BEST2: variants seen among roughly 807,000 people sequenced by gnomAD.
BEST2 encodes bestrophin 2.
Under a neutral mutation model 49.0 loss-of-function variants are expected in BEST2, and 36 were observed. That is an observed-to-expected ratio of 0.73 (90% CI 0.56 to 0.97). BEST2 has a LOEUF of 0.97. Among genes scored for constraint, BEST2 ranks in the 50% least tolerant of loss-of-function variants. BEST2 has a pLI of 0.00. For synonymous variants in BEST2, 335 were observed against 304.4 expected (o/e 1.10, Z -1.05); for missense variants, 672 against 710.0 (o/e 0.95, Z 0.61).
intron 9 of BEST2, 80 bp downstream of exon 9, chr19:12,756,375 G>A: frequency 1.3e-6 from 2 of 1,538,238 alleles, no homozygotes; most frequent in Admixed American, 3.5e-5. Flanking sequence ...AAGGTTAAGT[G>A]GAATCAATTC....
In BEST2 at chr19:12,753,359, G is replaced by C. The variant is rs376943496; in HGVS notation, c.247+5G>C. The C allele has an allele frequency of 6.2e-7, 1 of 1,613,538 alleles. No homozygotes were observed. Among genetic ancestry groups the C allele is most frequent in the South Asian group, 1.1e-5 (1 of 91,070 alleles). On this transcript the variant is annotated splice_donor_5th_base_variant and intron_variant, in intron 3 of 9. Coordinates refer to ENST00000553030, the MANE Select transcript of BEST2 (RefSeq NM_017682.3). ...TCCCTGTCTCCTTCGTGCTTGGTGC[G>C]GTCCAACCCCAAGTCCCCCGTTCCC...
chr19:12,756,041 C>T, intron 8 of BEST2, 100 bp from the exon 9 acceptor site: 2 of 1,594,922 alleles, frequency 1.3e-6, no homozygotes, highest in Non-Finnish European at 1.7e-6. Flanking sequence ...TCACCCCAAC[C>T]ATCCTTCCCT....
Position 12,758,272 on chromosome 19 carries a change from G to T in BEST2, c.*195G>T. On this transcript the variant is annotated 3_prime_UTR_variant, in exon 10 of 10. Transcript: ENST00000553030. Reference sequence around the variant, plus strand: ...CCAGACTCTTGGACCAGCCCGCCCTGACCACCAGCTCTACTTCCCAACCCC... The same window carrying T: ...CCAGACTCTTGGACCAGCCCGCCCTTACCACCAGCTCTACTTCCCAACCCC... 1 of 640,246 alleles carries T rather than the reference G, an allele frequency of 1.6e-6. No individual in the cohort carries two copies. Among genetic ancestry groups the T allele is most frequent in the Non-Finnish European group, 2.6e-6 (1 of 384,294 alleles). 39.7% of individuals were successfully genotyped at this position (640,246 alleles called of 1,614,324 possible).
Position 12,754,537 on chromosome 19 carries a change from C to T in BEST2, c.248-15C>T, listed in dbSNP as rs1157912243. ...TGGTGTCCCCACTGAGCCCCCATTC[C>T]CCGCTCCCCTGCAGGCTTTTATGTG... On this transcript the variant is annotated splice_polypyrimidine_tract_variant and intron_variant, in intron 3 of 9. Transcript: ENST00000553030. The T allele has an allele frequency of 6.8e-7, 1 of 1,479,142 alleles. No homozygotes were observed. Among genetic ancestry groups the T allele is most frequent in the Admixed American group, 2.3e-5 (1 of 43,286 alleles). The allele number at this position is 1,479,142 out of a possible 1,614,324, so 91.6% of individuals were successfully genotyped here.
intron 9 of BEST2, 91 bp from the exon 10 acceptor site, chr19:12,757,560 G>A: frequency 2.2e-6 from 3 of 1,370,302 alleles, no homozygotes; most frequent in Non-Finnish European, 2.9e-6. Context: ...GGACAAAGCG[G>A]TGGGTGGAGT....
chr19:12,752,654 T>C lies in BEST2; in HGVS notation c.62T>C (p.Leu21Pro), dbSNP rs1324448850. The change falls in exon 2 of 10, where the codon CTG (leucine) becomes CCG (proline). Residue 21 changes from leucine (L) to proline (P), a missense_variant. Around this residue, in one of 3 missense-constraint regions of BEST2, gnomAD observed 365 missense variants for 390.9 expected, o/e 0.93. Coordinates refer to ENST00000553030, the MANE Select transcript of BEST2 (RefSeq NM_017682.3). The stretch of plus-strand genomic sequence containing the variant: ...CGCTTCGGTGGCTTCTCCCAGCTGC[T>C]GCTACTGTGGCGTGGGAGCATCTAC... ...NARFGGFSQL[L>P]LLWRGSIYKL... 3 of 1,612,724 alleles carry C rather than the reference T, an allele frequency of 1.9e-6. No homozygotes were observed. The African/African-American group carries it at 4.0e-5, about 22-fold the overall frequency.
intron 3 of BEST2, among the ~76,000 whole-genome samples, chr19:12,754,219 G>A (rs1967906559): frequency 6.6e-6 from 1 of 151,738 alleles, no homozygotes; most frequent in Non-Finnish European, 1.5e-5. Context: ...GAGACTACAG[G>A]TGCGCCACCA....
At chr19:12,757,318 A>G (rs1372063349) in intron 9 of BEST2, among the ~76,000 whole-genome samples, 1 of 152,146 alleles carries the variant, frequency 6.6e-6, no homozygotes, top group African/African-American at 2.4e-5. Flanking sequence ...AGGCTGAGAC[A>G]GGAGAATCGC....
intron 3 of BEST2, among the ~76,000 whole-genome samples, chr19:12,753,617 C>T (rs1159127901): frequency 1.3e-5 from 2 of 152,026 alleles, no homozygotes; most frequent in African/African-American, 4.8e-5. Context: ...AGGACTTATT[C>T]CTGGTCACCC....
At chr19:12,756,660 A>G (rs534441823) in intron 9 of BEST2, 1 of 245,048 alleles carries the variant, frequency 4.1e-6, no homozygotes, top group Non-Finnish European at 8.1e-6. Context: ...CAGCCTGGGC[A>G]ACATAGTGAG....
In BEST2 at chr19:12,755,645, C is replaced by G; in HGVS notation, c.745C>G (p.Leu249Val). Residue 249 changes from leucine (L) to valine (V), a missense_variant, in exon 7 of 10, where the codon CTG becomes GTG. By Grantham distance (32) the Leu-to-Val change is conservative. This residue lies in a region of BEST2 where 365 missense variants were observed against 390.9 expected (regional missense o/e 0.93). Transcript: ENST00000553030. This position sits in a 1 kb window ranked among gnomAD's most constrained non-coding sequence, Gnocchi z 4.4. ...VVTIALYSYF[L>V]ACLIGRQFLD... ...GACCATCGCACTGTACAGCTACTTC[C>G]TGGCTTGCCTCATTGGTCGCCAGTT... 6.2e-7 allele frequency: 1 copy of G among 1,614,072 alleles called. No homozygotes were observed. The highest frequency in any genetic ancestry group is 8.5e-7 in the Non-Finnish European group (1 of 1,180,006).
In BEST2 at chr19:12,757,977, CT is replaced by C; in HGVS notation, c.1431del (p.Val478SerfsTer7). 1 of 1,610,766 alleles carries C rather than the reference CT, an allele frequency of 6.2e-7. No individual in the cohort carries two copies. The highest frequency in any genetic ancestry group is 8.5e-7 in the Non-Finnish European group (1 of 1,179,344). On this transcript the variant is annotated frameshift_variant, in exon 10 of 10. Transcript: ENST00000553030. LOFTEE classifies it high-confidence loss of function. ...GAACCGCTTACCCTCATCCCTGGGCCTGTCGAGCCCTTCAGCATCGTGACCA... is the reference window on the plus strand; with the variant it reads ...GAACCGCTTACCCTCATCCCTGGGCCGTCGAGCCCTTCAGCATCGTGACCA... ...GPEPLTLIPG[P>X]VEPFSIVTMP...
Position 12,752,537 on chromosome 19 carries a change from C to G in BEST2, c.-51-5C>G. 2.5e-6 allele frequency: 4 copies of G among 1,582,790 alleles called. No homozygotes were observed. The highest frequency in any genetic ancestry group is 3.4e-6 in the Non-Finnish European group (4 of 1,159,898). On this transcript the variant is annotated splice_polypyrimidine_tract_variant and splice_region_variant and intron_variant, in intron 1 of 9. Transcript: ENST00000553030. Reference sequence around the variant, plus strand: ...ATCCCCGCACCTCTCCACCCACACCCGCAGCCCCCACCCGGGCCACCCACT... The same window carrying G: ...ATCCCCGCACCTCTCCACCCACACCGGCAGCCCCCACCCGGGCCACCCACT...
intron 9 of BEST2, chr19:12,756,544 A>C (rs1431365151): frequency 3.7e-6 from 2 of 536,426 alleles, no homozygotes; most frequent in Non-Finnish European, 3.3e-6. Flanking sequence ...TGGTGATTCC[A>C]AAGGAGATGA....
rs1284180031 is a variant in BEST2 at position 12,757,750 on chromosome 19, C to T, written c.1203C>T (p.Gly401=). 5 of 1,544,214 alleles carry T rather than the reference C, an allele frequency of 3.2e-6. No homozygotes were observed. In the Admixed American group the frequency reaches 5.9e-5, roughly 18 times the overall value. ...TCCTGCAGCGCCTCCTGCCGGCGGG[C>T]GCGGGCATGGTCGCGGGAGGCCCGC... ...GDFLQRLLPA[G]AGMVAGGPLG... is the part of the protein sequence containing the mutation. The change falls in exon 10 of 10, where the codon GGC becomes GGT. Residue 401 remains glycine, a synonymous_variant. Transcript: ENST00000553030.
chr19:12,756,355 T>G, intron 9 of BEST2, 60 bp downstream of exon 9: 1 of 1,583,766 alleles, frequency 6.3e-7, no homozygotes, highest in Non-Finnish European at 8.6e-7. Context: ...GCGGGGCACA[T>G]CTGATTGAAA....
In BEST2 at chr19:12,758,420, A is replaced by C. The variant is rs1332375301; in HGVS notation, c.*343A>C. 13 of 330,798 alleles carry C rather than the reference A, an allele frequency of 3.9e-5. No homozygotes were observed. The East Asian group carries it at 8.1e-4, about 21-fold the overall frequency. 20.5% of individuals were successfully genotyped at this position (330,798 alleles called of 1,614,324 possible). On this transcript the variant is annotated 3_prime_UTR_variant, in exon 10 of 10. Coordinates refer to ENST00000553030, the MANE Select transcript of BEST2 (RefSeq NM_017682.3). ...AATGGCATTAAAGCATTTGGTATAC[A>C]GTAGGTGCTCAATAAATTGCTAGTG...
At chr19:12,753,398 A>G (rs1287172923) in intron 3 of BEST2, 44 bp downstream of exon 3, 1 of 1,577,004 alleles carries the variant, frequency 6.3e-7, no homozygotes, top group East Asian at 2.2e-5. Flanking sequence ...TCCCTGAGAA[A>G]CCCATATCCA....
chr19:12,753,333 A>T lies in BEST2; in HGVS notation c.226A>T (p.Ile76Phe). Reference protein sequence around the residue: ...VIYCDQYASLIPVSFVLGFYV... With the variant: ...VIYCDQYASLFPVSFVLGFYV... ...TTATTGTGACCAGTATGCCAGCCTC[A>T]TCCCTGTCTCCTTCGTGCTTGGTGC... Residue 76 changes from isoleucine to phenylalanine, a missense_variant, in exon 3 of 10, where the codon ATC (isoleucine) becomes TTC (phenylalanine). Physicochemically the swap from Ile to Phe is conservative, Grantham distance 21. Coordinates refer to ENST00000553030, the MANE Select transcript of BEST2 (RefSeq NM_017682.3). The T allele has an allele frequency of 6.2e-7, 1 of 1,614,064 alleles. No homozygotes were observed. Among genetic ancestry groups the T allele is most frequent in the South Asian group, 1.1e-5 (1 of 91,082 alleles).
Sources: gnomAD v4.1 joint callset for allele counts (sites outside exome capture counted in the v4.1 genomes callset) on GRCh38, gnomAD v4.1.1 for gene constraint, gnomAD v4.1.1 regional missense constraint, Gnocchi (gnomAD v3.1) non-coding constraint, MANE v1.5 for transcripts, NCBI Gene and HGNC (gene_info 2026-07-23, HGNC 2026-07-21) for gene names.